RDH8: variants seen among roughly 807,000 people sequenced by gnomAD.
The protein encoded by RDH8 is photoreceptor outer segment all-trans retinol dehydrogenase.
RDH8 carries 14 observed loss-of-function variants against 22.3 expected under a neutral mutation model. The observed-to-expected ratio is 0.63, with a 90% CI of 0.42 to 0.98. The LOEUF is 0.98. Among genes scored for constraint, RDH8 ranks in the 50% least tolerant of loss-of-function variants. RDH8 has a pLI of 0.00. For synonymous variants in RDH8, 175 were observed against 171.7 expected (o/e 1.02, Z -0.15); for missense variants, 389 against 409.8 (o/e 0.95, Z 0.44).
chr19:10,018,866 G>T lies in RDH8; in HGVS notation c.398G>T (p.Arg133Leu), dbSNP rs544044349. The part of the protein sequence containing the change: ...KAVLPGMKRR[R>L]QGHIVVISSV... ...GTGCTTCCAGGCATGAAGAGGAGGC[G>T]GCAGGGCCACATCGTGGTGATCAGC... The change falls in exon 3 of 6, where the codon CGG becomes CTG. Residue 133 changes from arginine to leucine, a missense_variant. Arg to Leu is a moderately radical substitution (Grantham distance 102). Coordinates refer to ENST00000591589, the MANE Select transcript of RDH8 (RefSeq NM_015725.4). 6.2e-7 allele frequency: 1 copy of T among 1,613,664 alleles called. No homozygotes were observed.
chr19:10,018,927 C>G lies in RDH8; in HGVS notation c.442+17C>G. 6.3e-7 allele frequency: 1 copy of G among 1,579,984 alleles called. No individual in the cohort carries two copies. The highest frequency in any genetic ancestry group is 1.1e-5 in the South Asian group (1 of 87,616). ...GCCTGCAGGGTGAGCTGTGGGGACCCAACCCTGGAAATCCCACCAGTGTCT... is the reference window on the plus strand; with the variant it reads ...GCCTGCAGGGTGAGCTGTGGGGACCGAACCCTGGAAATCCCACCAGTGTCT... On this transcript the variant is annotated intron_variant, in intron 3 of 5. Coordinates refer to ENST00000591589, the MANE Select transcript of RDH8 (RefSeq NM_015725.4).
intron 3 of RDH8, among the ~76,000 whole-genome samples, chr19:10,019,561 G>C (rs1442857581): frequency 6.6e-6 from 1 of 152,088 alleles, no homozygotes; most frequent in Non-Finnish European, 1.5e-5. Flanking sequence ...CACTTTGGGA[G>C]GCCGAGGCAG....
In RDH8 at chr19:10,021,578, A is replaced by G. The variant is rs1599244829; in HGVS notation, c.765A>G (p.Arg255=). 1 of 1,614,124 alleles carries G rather than the reference A, an allele frequency of 6.2e-7. No individual in the cohort carries two copies. Among genetic ancestry groups the G allele is most frequent in the East Asian group, 2.2e-5 (1 of 44,876 alleles). Residue 255 remains arginine, a synonymous_variant, in exon 6 of 6, where the codon CGA becomes CGG. Coordinates refer to ENST00000591589, the MANE Select transcript of RDH8 (RefSeq NM_015725.4). ...VISSTRPPLR[R]QTNIRYSPLT... ...GCTCGACTCGACCACCCCTGCGCCG[A>G]CAGACCAACATCCGCTACTCGCCGC...
Position 10,021,923 on chromosome 19 carries a change from C to A in RDH8, c.*174C>A. On this transcript the variant is annotated 3_prime_UTR_variant, in exon 6 of 6. Coordinates refer to ENST00000591589, the MANE Select transcript of RDH8 (RefSeq NM_015725.4). ...GGGCCTTTATTTTCAGGCATAGACT[C>A]CTCTGTGGTCACAGCTGGAGCACAG... 5.7e-6 allele frequency: 4 copies of A among 706,146 alleles called. No homozygotes were observed. The highest frequency in any genetic ancestry group is 9.2e-6 in the Non-Finnish European group (4 of 434,288). The allele number at this position is 706,146 out of a possible 1,614,324, so 43.7% of individuals were successfully genotyped here.
In RDH8 at chr19:10,021,750, G is replaced by A; in HGVS notation, c.*1G>A. 1 of 1,612,850 alleles carries A rather than the reference G, an allele frequency of 6.2e-7. No individual in the cohort carries two copies. Among genetic ancestry groups the A allele is most frequent in the Non-Finnish European group, 8.5e-7 (1 of 1,179,758 alleles). On this transcript the variant is annotated 3_prime_UTR_variant, in exon 6 of 6. Coordinates refer to ENST00000591589, the MANE Select transcript of RDH8 (RefSeq NM_015725.4). The stretch of plus-strand genomic sequence containing the variant: ...CCCAACGCGGGTGCGGCCAAGATGA[G>A]CAGAACAGAGCTTCACGATCCCCAT...
chr19:10,017,298 C>A, intron 2 of RDH8, 83 bp downstream of exon 2: 30 of 1,353,060 alleles, frequency 2.2e-5, no homozygotes, highest in Non-Finnish European at 2.7e-5. Flanking sequence ...TGAGCACCAG[C>A]TCTCTGGCTT....
At chr19:10,014,112 T>G (rs1482119688) in intron 1 of RDH8, among the ~76,000 whole-genome samples, 1 of 152,164 alleles carries the variant, frequency 6.6e-6, no homozygotes, top group Non-Finnish European at 1.5e-5. Flanking sequence ...GGCCTTCTAG[T>G]TCTAAGAACT....
chr19:10,016,669 G>C (rs902882219), intron 1 of RDH8, among the ~76,000 whole-genome samples: 5 of 150,714 alleles, frequency 3.3e-5, no homozygotes, highest in African/African-American at 4.9e-5. Context: ...ATGGGATCTC[G>C]CTATACTTCC....
intron 3 of RDH8, 40 bp from the exon 4 acceptor site, chr19:10,020,669 C>G (rs1325186721): frequency 7.0e-7 from 1 of 1,419,844 alleles, no homozygotes; most frequent in Non-Finnish European, 9.9e-7. Flanking sequence ...AGCCCACCTC[C>G]CAGACCCTCA....
chr19:10,014,302 CCT>C (rs1413390211), intron 1 of RDH8, among the ~76,000 whole-genome samples: 7 of 152,184 alleles, frequency 4.6e-5, no homozygotes, highest in African/African-American at 1.2e-4. Flanking sequence ...AGCCCTCTGC[CCT>C]CTGTTTTAGA....
intron 2 of RDH8, 40 bp downstream of exon 2, chr19:10,017,255 G>A (rs755085342): frequency 6.5e-7 from 1 of 1,530,804 alleles, no homozygotes; most frequent in South Asian, 1.3e-5. Context: ...GCCCCATCCT[G>A]GTCTGAGTAT....
chr19:10,020,900 A>G, intron 4 of RDH8, 98 bp downstream of exon 4: 1 of 882,726 alleles, frequency 1.1e-6, no homozygotes, highest in East Asian at 2.6e-5. Context: ...AGCTGAGTGC[A>G]GTGGCTCACA....
intron 1 of RDH8, 33 bp downstream of exon 1, chr19:10,013,633 C>G: frequency 1.9e-6 from 3 of 1,611,548 alleles, no homozygotes; most frequent in Non-Finnish European, 2.5e-6. Flanking sequence ...AGGAGGCAGC[C>G]GGGTGGAAAC....
At chr19:10,016,207 C>T (rs189953924) in intron 1 of RDH8, among the ~76,000 whole-genome samples, 134 of 150,900 alleles carry the variant, frequency 8.9e-4, no homozygotes, top group Non-Finnish European at 1.7e-3. Flanking sequence ...AGTGCAGTGG[C>T]GCTATCTCGG....
chr19:10,020,362 A>AGGGAGGGAGGGAGGGAGGT (rs372028191), intron 3 of RDH8, among the ~76,000 whole-genome samples: 1 of 121,766 alleles, frequency 8.2e-6, no homozygotes, highest in Non-Finnish European at 1.7e-5. Context: ...GGGAGGGAGG[A>AGGGAGGGAGGGAGGGAGGT]AGGAAGGAAG....
At chr19:10,016,616 C>T (rs1402567487) in intron 1 of RDH8, among the ~76,000 whole-genome samples, 2 of 151,876 alleles carry the variant, frequency 1.3e-5, no homozygotes, top group Non-Finnish European at 2.9e-5. Context: ...GGGGGCCACC[C>T]ACCACACCTG....
At chr19:10,016,312 A>G (rs2087615726) in intron 1 of RDH8, among the ~76,000 whole-genome samples, 1 of 106,410 alleles carries the variant, frequency 9.4e-6, no homozygotes, top group African/African-American at 4.3e-5. Flanking sequence ...ACGCCAGGCT[A>G]ATTTTTTTTT....
At chr19:10,017,590 G>A (rs1414767246) in intron 2 of RDH8, among the ~76,000 whole-genome samples, 2 of 152,170 alleles carry the variant, frequency 1.3e-5, no homozygotes, top group Non-Finnish European at 2.9e-5. Flanking sequence ...CCAGGAGTTT[G>A]AGGCTGCAGT....
At position 10,017,116 on chromosome 19, in the gene RDH8, G is replaced by T. The variant is rs770688271; in HGVS notation, c.163G>T (p.Ala55Ser). The change falls in exon 2 of 6, where the codon GCT becomes TCT. Residue 55 changes from alanine to serine, a missense_variant. Transcript: ENST00000591589. ...GACACTGGAGGCAGCTGCTGGGGAG[G>T]CTCTGGGGCAGACCCTCACCGTGGC... Reference protein sequence around the residue: ...KETLEAAAGEALGQTLTVAQL... With the variant: ...KETLEAAAGESLGQTLTVAQL... The T allele has an allele frequency of 6.2e-7, 1 of 1,608,196 alleles. No homozygotes were observed.
Sources: gnomAD v4.1 joint callset for allele counts (sites outside exome capture counted in the v4.1 genomes callset) on GRCh38, gnomAD v4.1.1 for gene constraint, MANE v1.5 for transcripts, NCBI Gene and HGNC (gene_info 2026-07-23, HGNC 2026-07-21) for gene names.